Variants in ROBO1 observed in about 807,000 individuals in gnomAD.
ROBO1 encodes the protein roundabout guidance receptor 1, also known as roundabout homolog 1.
A neutral mutation model predicts 195.9 loss-of-function variants in ROBO1; 149 were observed. That is an observed-to-expected ratio of 0.76 (90% confidence interval 0.67 to 0.87). The LOEUF (loss-of-function observed/expected upper bound fraction) is 0.87, where lower values mean the gene tolerates loss of function less well. Ranked by LOEUF, ROBO1 falls within the 40% of genes least tolerant of loss-of-function variation. The pLI is 0.00. For missense variants in ROBO1, 1,933 were observed against 2,068.3 expected, an observed-to-expected ratio of 0.93 and a Z score of 1.27; for synonymous variants, 816 against 733.2, an observed-to-expected ratio of 1.11 and a Z score of -1.82.
At chr3:79,206,280 A>G (rs2081864671) in intron 2 of ROBO1, among the ~76,000 whole-genome samples, 2 of 152,172 alleles carry the variant, frequency 1.3e-5, no homozygotes, top group African/African-American at 4.8e-5. Context: ...TATTTTACTT[A>G]ATAAAAATAA....
chr3:79,380,218 C>CTT (rs2036522603), intron 2 of ROBO1, among the ~76,000 whole-genome samples: 1 of 152,116 alleles, frequency 6.6e-6, no homozygotes, highest in Non-Finnish European at 1.5e-5. Flanking sequence ...TATACCTACT[C>CTT]TTTACTCTTT....
At chr3:78,892,092 G>A (rs191414218) in intron 4 of ROBO1, among the ~76,000 whole-genome samples, 4 of 152,280 alleles carry the variant, frequency 2.6e-5, no homozygotes, top group South Asian at 2.1e-4. Flanking sequence ...AATGCGGGCC[G>A]TGCACGCCTG....
chr3:79,110,468 A>T (rs558456247), intron 3 of ROBO1, among the ~76,000 whole-genome samples: 1 of 151,806 alleles, frequency 6.6e-6, no homozygotes, highest in Non-Finnish European at 1.5e-5. Flanking sequence ...TAAACACCCA[A>T]TTGACCGAGT....
In ROBO1 at chr3:79,475,234, G is replaced by T. The variant is rs146937903; in HGVS notation, c.88+114590C>A. Among the ~76,000 whole-genome samples the T allele has an allele frequency of 7.6e-3, 1,149 of 151,798 alleles. 13 individuals are homozygous for T. The highest frequency in any genetic ancestry group is 8.8e-3 in the Non-Finnish European group (595 of 67,860). On this transcript the variant is annotated intron_variant, in intron 2 of 30. Transcript: ENST00000464233. ...TGCAGGTATGTTTTGAATCATAAGG[G>T]TCAGAATCACAAACTACAACCAAAG...
intron 3 of ROBO1, chr3:79,018,660 G>A: frequency 7.1e-7 from 1 of 1,399,042 alleles, no homozygotes; most frequent in Non-Finnish European, 9.3e-7. Flanking sequence ...TGCAGAGGAA[G>A]AATTCCAAGG....
chr3:78,945,654 A>G (rs189808191), intron 3 of ROBO1, among the ~76,000 whole-genome samples: 1 of 152,204 alleles, frequency 6.6e-6, no homozygotes, highest in Non-Finnish European at 1.5e-5. Context: ...CAGCAACGGA[A>G]CAAAACTGGA....
intron 25 of ROBO1, among the ~76,000 whole-genome samples, chr3:78,628,767 A>T (rs1314081665): frequency 6.6e-6 from 1 of 152,200 alleles, no homozygotes; most frequent in Admixed American, 6.5e-5. Context: ...TATCCAAACT[A>T]GAAATGTTTT....
At chr3:79,619,637 A>G (rs2107969163) in intron 1 of ROBO1, among the ~76,000 whole-genome samples, 1 of 152,242 alleles carries the variant, frequency 6.6e-6, no homozygotes, top group East Asian at 1.9e-4. Flanking sequence ...AGCTGAAGGC[A>G]TAGTCAGGGT....
intron 2 of ROBO1, among the ~76,000 whole-genome samples, chr3:79,572,520 A>C (rs2107752542): frequency 6.6e-6 from 1 of 152,222 alleles, no homozygotes; most frequent in South Asian, 2.1e-4. Flanking sequence ...CCATTTATAA[A>C]ATTTTAGCTG....
At chr3:79,281,731 T>C (rs184845523) in intron 2 of ROBO1, among the ~76,000 whole-genome samples, 1 of 152,320 alleles carries the variant, frequency 6.6e-6, no homozygotes, top group Non-Finnish European at 1.5e-5. Context: ...AAGAAAGTTA[T>C]TGCAGTCATT....
chr3:79,186,887 A>G (rs1267928451), intron 2 of ROBO1, among the ~76,000 whole-genome samples: 1 of 152,102 alleles, frequency 6.6e-6, no homozygotes, highest in Non-Finnish European at 1.5e-5. Context: ...TGACTGCTCA[A>G]ATACAGGACT....
chr3:78,775,483 C>T (rs935460228), intron 4 of ROBO1, among the ~76,000 whole-genome samples: 7 of 152,104 alleles, frequency 4.6e-5, no homozygotes, highest in Non-Finnish European at 7.4e-5. Context: ...AAAGCATGCA[C>T]TAAAGGATTG....
At chr3:79,659,428 G>T (rs1477598016) in intron 1 of ROBO1, among the ~76,000 whole-genome samples, 4 of 151,990 alleles carry the variant, frequency 2.6e-5, no homozygotes, top group Non-Finnish European at 4.4e-5. Context: ...GAGTCTACTT[G>T]TGTAGGAAGT....
intron 2 of ROBO1, among the ~76,000 whole-genome samples, chr3:79,244,294 C>T (rs1017828947): frequency 5.3e-5 from 8 of 152,070 alleles, no homozygotes; most frequent in African/African-American, 1.9e-4. Flanking sequence ...ATATATTGCC[C>T]ATATAGGCAC....
chr3:79,470,417 T>C (rs1472001914), intron 2 of ROBO1, among the ~76,000 whole-genome samples: 1 of 151,854 alleles, frequency 6.6e-6, no homozygotes, highest in African/African-American at 2.4e-5. Context: ...TCGTGGGGCA[T>C]GGGGAGGGAG....
At chr3:79,707,551 CA>C (rs1947811233) in intron 1 of ROBO1, among the ~76,000 whole-genome samples, 1 of 152,090 alleles carries the variant, frequency 6.6e-6, no homozygotes. Flanking sequence ...CTCTGTTGCC[CA>C]GGCTAGAGTG....
chr3:78,940,626 A>G (rs1413635156), intron 3 of ROBO1, among the ~76,000 whole-genome samples: 3 of 152,200 alleles, frequency 2.0e-5, no homozygotes, highest in Non-Finnish European at 2.9e-5. Context: ...CACCTACTCT[A>G]TTTCAAATCT....
At chr3:79,610,252 C>T (rs1198616607) in intron 1 of ROBO1, among the ~76,000 whole-genome samples, 1 of 151,712 alleles carries the variant, frequency 6.6e-6, no homozygotes, top group Non-Finnish European at 1.5e-5. Context: ...CCTATACGTA[C>T]ATATCTATGA....
At chr3:78,673,794 AAGAAC>A (rs776440935) in intron 10 of ROBO1, among the ~76,000 whole-genome samples, 8 of 151,430 alleles carry the variant, frequency 5.3e-5, no homozygotes, top group Non-Finnish European at 1.2e-4. Flanking sequence ...TTAAGAGAAA[AAGAAC>A]AGAATATACA....
Sources: gnomAD v4.1 joint callset for allele counts (sites outside exome capture counted in the v4.1 genomes callset) on GRCh38, gnomAD v4.1.1 for gene constraint, MANE v1.5 for transcripts, NCBI Gene and HGNC (gene_info 2026-07-23, HGNC 2026-07-21) for gene names.